Variants in RAD23B observed in about 807,000 individuals in gnomAD.
RAD23B encodes lysine-specific demethylase RAD23B.
Under a neutral mutation model 49.1 loss-of-function variants are expected in RAD23B, and 5 were observed. The ratio of observed to expected loss-of-function variants is 0.10; its 90% CI spans 0.05 to 0.21. The LOEUF is 0.21. Among genes scored for constraint, RAD23B ranks in the 10% least tolerant of loss-of-function variants. The probability of loss-of-function intolerance (pLI) is 1.00; values close to 1 mark genes in which losing one functional copy is unlikely to be tolerated. For missense variants in RAD23B, 356 were observed against 486.7 expected (o/e 0.73, Z 2.53); for synonymous variants, 184 against 165.4 (o/e 1.11, Z -0.86).
chr9:107,321,080 CAA>C (rs1359869979), intron 6 of RAD23B, among the ~76,000 whole-genome samples: 1 of 151,932 alleles, frequency 6.6e-6, no homozygotes, highest in Non-Finnish European at 1.5e-5. Context: ...ATAGGTGTCC[CAA>C]AAGAGTTTAG....
chr9:107,285,301 T>C (rs1564237666), intron 1 of RAD23B, among the ~76,000 whole-genome samples: 1 of 152,220 alleles, frequency 6.6e-6, no homozygotes, highest in African/African-American at 2.4e-5. Flanking sequence ...GGAGTTTGTT[T>C]GATGATTTCA....
At chr9:107,319,070 G>A (rs1381441484) in intron 6 of RAD23B, among the ~76,000 whole-genome samples, 191 bp downstream of exon 6, 1 of 147,826 alleles carries the variant, frequency 6.8e-6, no homozygotes, top group African/African-American at 2.5e-5. Context: ...GTCCAACATT[G>A]TAGTAGCTTT....
At chr9:107,294,807 A>G (rs1210017664) in intron 1 of RAD23B, among the ~76,000 whole-genome samples, 1 of 152,194 alleles carries the variant, frequency 6.6e-6, no homozygotes, top group African/African-American at 2.4e-5. Context: ...TATTGAAACT[A>G]GGAGTAGACA....
chr9:107,320,432 A>C lies in RAD23B; in HGVS notation c.682-1551A>C, dbSNP rs550361776. Among the ~76,000 whole-genome samples the C allele has an allele frequency of 1.2e-4, 19 of 152,268 alleles. No homozygotes were observed. In the South Asian group the frequency reaches 3.9e-3, roughly 32 times the overall value. On this transcript the variant is annotated intron_variant, in intron 6 of 9. Coordinates refer to ENST00000358015, the MANE Select transcript of RAD23B (RefSeq NM_002874.5). Reference sequence around the variant, plus strand: ...TAATAGATGTGGAGTTTTGAGGTATAAAAATACAGAATCATTGTTACCAAA... The same window carrying C: ...TAATAGATGTGGAGTTTTGAGGTATCAAAATACAGAATCATTGTTACCAAA...
chr9:107,312,964 CCA>C (rs1826919068), intron 5 of RAD23B, among the ~76,000 whole-genome samples: 1 of 152,142 alleles, frequency 6.6e-6, no homozygotes, highest in African/African-American at 2.4e-5. Flanking sequence ...CGATGTCTTC[CCA>C]TTCTCAGCTT....
intron 9 of RAD23B, among the ~76,000 whole-genome samples, chr9:107,327,071 TAAAG>T (rs1197331888): frequency 6.6e-6 from 1 of 152,236 alleles, no homozygotes; most frequent in Non-Finnish European, 1.5e-5. Flanking sequence ...CCTCTTTTGA[TAAAG>T]TAATAATGTT....
rs981889214 is a variant in RAD23B at position 107,331,519 on chromosome 9, G to C, written c.*1863G>C. 1 of 600,382 alleles carries C rather than the reference G, an allele frequency of 1.7e-6. No homozygotes were observed. The highest frequency in any genetic ancestry group is 3.0e-6 in the Non-Finnish European group (1 of 337,960). 37.2% of individuals were successfully genotyped at this position (600,382 alleles called of 1,614,324 possible). On this transcript the variant is annotated 3_prime_UTR_variant, in exon 10 of 10. Coordinates refer to ENST00000358015, the MANE Select transcript of RAD23B (RefSeq NM_002874.5). Reference sequence around the variant, plus strand: ...TGTATTACCTGTATGTTTTATAATGGATCATGCATAATTTCTCAGGAGAAT... The same window carrying C: ...TGTATTACCTGTATGTTTTATAATGCATCATGCATAATTTCTCAGGAGAAT...
At chr9:107,308,999 A>G (rs140041474) in intron 4 of RAD23B, among the ~76,000 whole-genome samples, 9 of 152,310 alleles carry the variant, frequency 5.9e-5, no homozygotes, top group Non-Finnish European at 8.8e-5. Flanking sequence ...TTACAGTGCA[A>G]ATTCCACTTG....
At position 107,311,223 on chromosome 9, in the gene RAD23B, C is replaced by G. The variant is rs545697208; in HGVS notation, c.498-459C>G. Among the ~76,000 whole-genome samples the G allele has an allele frequency of 2.0e-5, 3 of 152,238 alleles. No homozygotes were observed. In the South Asian group the frequency reaches 6.2e-4, roughly 32 times the overall value. ...AATATCTTCTTTCAGTGTCCTCATT[C>G]AGAACTTACCTATAAGACTTCATTA... On this transcript the variant is annotated intron_variant, in intron 4 of 9. Transcript: ENST00000358015.
intron 8 of RAD23B, 126 bp downstream of exon 8, chr9:107,324,143 CTACACT>C (rs1156856592): frequency 3.1e-5 from 34 of 1,107,020 alleles, no homozygotes; most frequent in Non-Finnish European, 4.2e-5. Context: ...TTCTTCCAAG[CTACACT>C]TAGATATTGT....
chr9:107,298,850 A>AT (rs1317609251), intron 1 of RAD23B, among the ~76,000 whole-genome samples: 1 of 152,088 alleles, frequency 6.6e-6, no homozygotes, highest in Non-Finnish European at 1.5e-5. Context: ...CTTTAAAAAA[A>AT]TTTTACTTGT....
chr9:107,296,997 A>G (rs771022117), intron 1 of RAD23B, among the ~76,000 whole-genome samples: 24 of 151,114 alleles, frequency 1.6e-4, no homozygotes, highest in Admixed American at 2.0e-4. Context: ...TGGGACTACA[A>G]GTGTGCACCA....
At chr9:107,301,731 G>C (rs764934592) in intron 2 of RAD23B, among the ~76,000 whole-genome samples, 3 of 151,878 alleles carry the variant, frequency 2.0e-5, no homozygotes, top group Non-Finnish European at 4.4e-5. Flanking sequence ...TTCATAAACA[G>C]GGTCTTGCTA....
chr9:107,285,042 A>C (rs1373186114), intron 1 of RAD23B: 10 of 1,002,272 alleles, frequency 1.0e-5, no homozygotes, highest in Non-Finnish European at 1.3e-5. Flanking sequence ...TTAATTTTTT[A>C]AGAAACAGCC....
At chr9:107,326,861 G>A (rs1168076915) in intron 9 of RAD23B, among the ~76,000 whole-genome samples, 5 of 151,578 alleles carry the variant, frequency 3.3e-5, no homozygotes, top group African/African-American at 4.8e-5. Flanking sequence ...GGATGGTCTC[G>A]ATCTCATGAC....
intron 7 of RAD23B, among the ~76,000 whole-genome samples, 185 bp downstream of exon 7, chr9:107,322,303 C>T (rs1827126410): frequency 6.6e-6 from 1 of 152,206 alleles, no homozygotes; most frequent in Non-Finnish European, 1.5e-5. Flanking sequence ...TAAAAGGTAT[C>T]CTTGCTGATA....
Position 107,331,701 on chromosome 9 carries a change from A to AT in RAD23B, c.*2045_*2046insT, listed in dbSNP as rs554518485. 9.1e-6 allele frequency: 7 copies of AT among 770,632 alleles called. No homozygotes were observed. Among genetic ancestry groups the AT allele is most frequent in the Non-Finnish European group, 1.7e-5 (7 of 415,556 alleles). 47.7% of individuals were successfully genotyped at this position (770,632 alleles called of 1,614,324 possible). ...TGAAAACTGGAAACAAAAAAAAAAA[A>AT]CAGCCTCTTCTTGGAAAGTGACAGC... On this transcript the variant is annotated 3_prime_UTR_variant, in exon 10 of 10. Coordinates refer to ENST00000358015, the MANE Select transcript of RAD23B (RefSeq NM_002874.5).
rs1049962891 is a variant in RAD23B at position 107,283,283 on chromosome 9, C to T, written c.-347C>T. The T allele has an allele frequency of 2.5e-6, 1 of 402,878 alleles. No homozygotes were observed. Among genetic ancestry groups the T allele is most frequent in the South Asian group, 1.2e-4 (1 of 8,580 alleles). The allele number at this position is 402,878 out of a possible 1,614,324, so 25.0% of individuals were successfully genotyped here. ...GGGGAGGGGGCACGTCTCGGCGAGTCACGATGATGGCGGCCACCATCCTGT... is the reference window on the plus strand; with the variant it reads ...GGGGAGGGGGCACGTCTCGGCGAGTTACGATGATGGCGGCCACCATCCTGT... On this transcript the variant is annotated 5_prime_UTR_variant, in exon 1 of 10. Transcript: ENST00000358015.
chr9:107,319,998 T>G lies in RAD23B; in HGVS notation c.681+1119T>G, dbSNP rs1587861978. ...GATTCTAACCCTTTTGGGAATTACA[T>G]CCACAGTTTAACCCATTCCTTTGTG... On this transcript the variant is annotated intron_variant, in intron 6 of 9. Transcript: ENST00000358015. Among the ~76,000 whole-genome samples the G allele has an allele frequency of 2.0e-5, 3 of 152,210 alleles. No individual in the cohort carries two copies. The East Asian group carries it at 5.8e-4, about 29-fold the overall frequency.
Sources: gnomAD v4.1 joint callset for allele counts (sites outside exome capture counted in the v4.1 genomes callset) on GRCh38, gnomAD v4.1.1 for gene constraint, MANE v1.5 for transcripts, NCBI Gene and HGNC (gene_info 2026-07-23, HGNC 2026-07-21) for gene names.